Variants in OTOF observed in about 807,000 individuals in gnomAD.
OTOF encodes the protein fer-1-like family member 2.
In OTOF, 218 loss-of-function variants were observed where a neutral mutation model predicts 236.8. The observed-to-expected ratio is 0.92, with a 90% CI of 0.82 to 1.03. OTOF has a LOEUF of 1.03. Ranked by LOEUF, OTOF falls within the 50% of genes least tolerant of loss-of-function variation. The pLI is 0.00. For missense variants in OTOF, 2,590 were observed against 2,694.4 expected, an observed-to-expected ratio of 0.96 and a Z score of 0.86; for synonymous variants, 1,041 against 1,072.5, an observed-to-expected ratio of 0.97 and a Z score of 0.57.
intron 8 of OTOF, among the ~76,000 whole-genome samples, chr2:26,499,268 A>G (rs2148076010): frequency 6.6e-6 from 1 of 152,218 alleles, no homozygotes; most frequent in Non-Finnish European, 1.5e-5. Flanking sequence ...TGCATTCTAA[A>G]TGGAAGAAAC....
In OTOF at chr2:26,473,333, G is replaced by C; in HGVS notation, c.3571-39C>G. The C allele has an allele frequency of 6.2e-7, 1 of 1,613,238 alleles. No homozygotes were observed. Among genetic ancestry groups the C allele is most frequent in the Non-Finnish European group, 8.5e-7 (1 of 1,179,902 alleles). On this transcript the variant is annotated intron_variant, in intron 28 of 46. Coordinates refer to ENST00000272371, the MANE Select transcript of OTOF (RefSeq NM_194248.3). The surrounding 1 kb of genome is among the most constrained non-coding windows in gnomAD (Gnocchi z 7.2). ...GACAGGAGCCTGAGCCTCCAAGAAG[G>C]GGCAGAGGAAGCCGGCTGGCTGAGT...
chr2:26,543,689 A>G (rs1360595480), intron 1 of OTOF, among the ~76,000 whole-genome samples: 1 of 152,174 alleles, frequency 6.6e-6, no homozygotes, highest in South Asian at 2.1e-4. Flanking sequence ...TCTACTAAAT[A>G]GTCTTGTTTC....
rs745335077 is a variant in OTOF at position 26,523,219 on chromosome 2, G to A, written c.228-4110C>T. On this transcript the variant is annotated intron_variant, in intron 3 of 46. Transcript: ENST00000272371. ...AGGTCCCGGACAGGCAGAGCTGGAT[G>A]CACAAAATCTTCTGAACCGAACATT... 5.4e-4 allele frequency among the ~76,000 whole-genome samples: 82 copies of A among 152,374 alleles called. No homozygotes were observed. The Middle Eastern group carries it at 0.01, about 19-fold the overall frequency.
chr2:26,539,208 A>T (rs1355703590), intron 1 of OTOF, among the ~76,000 whole-genome samples: 2 of 152,170 alleles, frequency 1.3e-5, no homozygotes, highest in East Asian at 3.9e-4. Flanking sequence ...TGTTTTAGGG[A>T]TGGGATGGAA....
At chr2:26,525,829 G>C (rs1222313686) in intron 3 of OTOF, among the ~76,000 whole-genome samples, 3 of 152,186 alleles carry the variant, frequency 2.0e-5, no homozygotes, top group Non-Finnish European at 4.4e-5. Context: ...GCTCACGCCT[G>C]TAATCCCAGC....
At chr2:26,512,080 A>G (rs1228697470) in intron 5 of OTOF, among the ~76,000 whole-genome samples, 2 of 152,132 alleles carry the variant, frequency 1.3e-5, no homozygotes, top group African/African-American at 4.8e-5. Context: ...AGAATGAGAA[A>G]AGTGGCTCCT....
At chr2:26,466,339 C>CT (rs989579570) in intron 36 of OTOF, 3,986 of 484,508 alleles carry the variant, frequency 8.2e-3, no homozygotes, top group East Asian at 0.013. Flanking sequence ...GCTTCTTCTT[C>CT]TTTTTTTTTT....
rs2148012871 is a variant in OTOF at position 26,458,014 on chromosome 2, G to A, written c.*224C>T. On this transcript the variant is annotated 3_prime_UTR_variant, in exon 47 of 47. Coordinates refer to ENST00000272371, the MANE Select transcript of OTOF (RefSeq NM_194248.3). Reference sequence around the variant, plus strand: ...TGAAAGGAAATGCGGCAGGGCTGGGGAGCGGCTGGCGGGAGCTGGCGGCCT... The same window carrying A: ...TGAAAGGAAATGCGGCAGGGCTGGGAAGCGGCTGGCGGGAGCTGGCGGCCT... 2 of 1,605,326 alleles carry A rather than the reference G, an allele frequency of 1.2e-6. No individual in the cohort carries two copies. The highest frequency in any genetic ancestry group is 8.5e-7 in the Non-Finnish European group (1 of 1,174,084).
In OTOF at chr2:26,475,345, G is replaced by C. The variant is rs756782265; in HGVS notation, c.3126+14C>G. On this transcript the variant is annotated intron_variant, in intron 25 of 46. Coordinates refer to ENST00000272371, the MANE Select transcript of OTOF (RefSeq NM_194248.3). ...GGTGCTGCTGGGGTCCCTGGCACCA[G>C]AGCCCACCCATACCATGGAATCCTG... 6.2e-7 allele frequency: 1 copy of C among 1,612,798 alleles called. No homozygotes were observed. Among genetic ancestry groups the C allele is most frequent in the Admixed American group, 1.7e-5 (1 of 60,018 alleles).
At chr2:26,529,026 G>C (rs539779757) in intron 2 of OTOF, among the ~76,000 whole-genome samples, 2 of 152,316 alleles carry the variant, frequency 1.3e-5, no homozygotes, top group South Asian at 4.1e-4. Context: ...TTGGCCAAGT[G>C]GGGTAGAGTG....
At chr2:26,467,334 A>C in intron 34 of OTOF, 31 bp downstream of exon 34, 1 of 1,609,948 alleles carries the variant, frequency 6.2e-7, no homozygotes, top group Non-Finnish European at 8.5e-7. Flanking sequence ...GCCCCCACAC[A>C]CCCTAGAAGG....
At position 26,465,677 on chromosome 2, in the gene OTOF, G is replaced by A. The variant is rs1187281334; in HGVS notation, c.4794C>T (p.Tyr1598=). 1.2e-6 allele frequency: 2 copies of A among 1,614,272 alleles called. No individual in the cohort carries two copies. Among genetic ancestry groups the A allele is most frequent in the South Asian group, 2.2e-5 (2 of 91,092 alleles). The part of the protein sequence containing the change: ...HRATCGIAQT[Y]STHGYNIWRD... ...CTGCCCCATGCCCCACATACGTGGA[G>A]TAGGTCTGGGCGATGCCGCAGGTGG... The change falls in exon 38 of 47, where the codon TAC becomes TAT. Residue 1598 remains tyrosine (Y), a synonymous_variant. Coordinates refer to ENST00000272371, the MANE Select transcript of OTOF (RefSeq NM_194248.3).
intron 4 of OTOF, 137 bp from the exon 5 acceptor site, chr2:26,516,736 C>T: frequency 1.1e-6 from 1 of 875,950 alleles, no homozygotes. Context: ...GGTATGATCC[C>T]CTCTGCCCCA....
At chr2:26,536,466 G>A (rs1288376939) in intron 2 of OTOF, among the ~76,000 whole-genome samples, 1 of 152,196 alleles carries the variant, frequency 6.6e-6, no homozygotes, top group Non-Finnish European at 1.5e-5. Context: ...TGGTTGGGGA[G>A]GGTGTGGTGC....
At chr2:26,486,255 T>G (rs1572442285) in intron 11 of OTOF, among the ~76,000 whole-genome samples, 1 of 81,872 alleles carries the variant, frequency 1.2e-5, no homozygotes. Flanking sequence ...TATGGATGGG[T>G]GGGTGGGTGG....
At chr2:26,533,256 C>A (rs1024218109) in intron 2 of OTOF, among the ~76,000 whole-genome samples, 5 of 152,326 alleles carry the variant, frequency 3.3e-5, no homozygotes, top group Admixed American at 2.6e-4. Flanking sequence ...CCATCCCAGT[C>A]TGTGGAAAAA....
chr2:26,494,291 A>C (rs1262118008), intron 9 of OTOF, among the ~76,000 whole-genome samples: 2 of 152,218 alleles, frequency 1.3e-5, no homozygotes, highest in Admixed American at 6.5e-5. Flanking sequence ...AGGAGTGGGT[A>C]CCAAATGTTT....
intron 8 of OTOF, among the ~76,000 whole-genome samples, chr2:26,499,654 T>C (rs1371371290): frequency 2.0e-5 from 3 of 152,074 alleles, no homozygotes; most frequent in African/African-American, 7.2e-5. Context: ...ATTACAGGTA[T>C]GCGCCACCAC....
intron 36 of OTOF, chr2:26,466,312 G>A: frequency 1.7e-6 from 1 of 589,752 alleles, no homozygotes; most frequent in Admixed American, 3.0e-5. Flanking sequence ...CTCCCAGTCT[G>A]GGGCTGTCAG....
Sources: allele counts gnomAD v4.1 joint callset (sites outside exome capture counted in the v4.1 genomes callset), GRCh38; gene constraint gnomAD v4.1.1; non-coding constraint Gnocchi (gnomAD v3.1); transcripts MANE v1.5; gene names NCBI Gene and HGNC (gene_info 2026-07-23, HGNC 2026-07-21).